CRTC2: variants seen among roughly 807,000 people sequenced by gnomAD.
The protein encoded by CRTC2 is CREB-regulated transcription coactivator 2.
CRTC2 carries 25 observed loss-of-function variants against 70.9 expected under a neutral mutation model. The observed-to-expected ratio is 0.35, with a 90% CI of 0.26 to 0.49. The LOEUF is 0.49. Among genes scored for constraint, CRTC2 ranks in the 20% least tolerant of loss-of-function variants. CRTC2 has a pLI of 0.98. For missense variants in CRTC2, 737 were observed against 882.6 expected (o/e 0.83, Z 2.09); for synonymous variants, 330 against 364.1 (o/e 0.91, Z 1.07).
chr1:153,950,338 G>C (rs1680256771), intron 11 of CRTC2, among the ~76,000 whole-genome samples: 1 of 152,182 alleles, frequency 6.6e-6, no homozygotes, highest in Non-Finnish European at 1.5e-5. Context: ...AAGAAAGAAA[G>C]AAAAGGAGAA....
At chr1:153,953,474 G>T in intron 5 of CRTC2, 64 bp downstream of exon 5, 1 of 1,543,844 alleles carries the variant, frequency 6.5e-7, no homozygotes, top group Non-Finnish European at 8.9e-7. Flanking sequence ...GGGTGGGGGT[G>T]AGGGAGCAGG....
In CRTC2 at chr1:153,948,171, G is replaced by C. The variant is rs1680114512; in HGVS notation, c.2020C>G (p.Pro674Ala). The change falls in exon 14 of 14, where the codon CCC (proline) becomes GCC (alanine). Residue 674 changes from proline to alanine, a missense_variant. Pro to Ala is a conservative substitution (Grantham distance 27, BLOSUM62 -1). This residue lies in a region of CRTC2 where 699 missense variants were observed against 823.7 expected (regional missense o/e 0.85). Transcript: ENST00000368633. The part of the protein sequence containing the change: ...GLEGLNMLSD[P>A]CALLPDPAVE... ...GCAGGATCAGGCAGCAGGGCACAGG[G>C]GTCACTCAGCATGTTTAGCCCTTCC... The C allele has an allele frequency of 4.3e-6, 7 of 1,614,196 alleles. No homozygotes were observed. The highest frequency in any genetic ancestry group is 4.2e-6 in the Non-Finnish European group (5 of 1,180,028).
Position 153,958,481 on chromosome 1 carries a change from G to A in CRTC2, c.17C>T (p.Ala6Val), listed in dbSNP as rs1245683148. Residue 6 changes from alanine (A) to valine (V), a missense_variant, in exon 1 of 14, where the codon GCG becomes GTG. Ala to Val is a moderately conservative substitution (Grantham distance 64). Transcript: ENST00000368633. MATSG[A>V]NGPGSATASA... is the part of the protein sequence containing the mutation. ...GGCCGTGGCCGAACCAGGCCCGTTC[G>A]CCCCCGACGTCGCCATCTTCCTTCC... 2.9e-5 allele frequency: 47 copies of A among 1,609,698 alleles called. No homozygotes were observed. The highest frequency in any genetic ancestry group is 3.7e-5 in the Non-Finnish European group (43 of 1,177,212).
intron 1 of CRTC2, among the ~76,000 whole-genome samples, chr1:153,955,681 CAA>C (rs757350237): frequency 3.2e-5 from 4 of 124,988 alleles, no homozygotes; most frequent in Non-Finnish European, 3.4e-5. Context: ...ATCCTGTCTC[CAA>C]AAAAAAAAAA....
chr1:153,957,586 T>C (rs1227981341), intron 1 of CRTC2, among the ~76,000 whole-genome samples: 3 of 151,938 alleles, frequency 2.0e-5, no homozygotes, highest in Non-Finnish European at 4.4e-5. Flanking sequence ...TCTCAACACA[T>C]AGAAGACCCT....
intron 11 of CRTC2, among the ~76,000 whole-genome samples, chr1:153,950,801 G>A (rs1176905901): frequency 6.6e-6 from 1 of 152,116 alleles, no homozygotes; most frequent in African/African-American, 2.4e-5. Context: ...GGGAGGAGAC[G>A]GGACAAGATA....
At chr1:153,953,500 G>C in intron 5 of CRTC2, 38 bp downstream of exon 5, 4 of 1,589,294 alleles carry the variant, frequency 2.5e-6, no homozygotes, top group Non-Finnish European at 2.6e-6. Flanking sequence ...AGAAACTACA[G>C]ATAAGAGATC....
intron 1 of CRTC2, among the ~76,000 whole-genome samples, chr1:153,956,387 A>G (rs967984697): frequency 2.0e-5 from 3 of 152,210 alleles, no homozygotes; most frequent in Admixed American, 6.5e-5. Context: ...CTGTGTACAG[A>G]CATCCTGTCT....
In CRTC2 at chr1:153,958,090, T is replaced by C. The variant is rs994511005; in HGVS notation, c.153+255A>G. On this transcript the variant is annotated intron_variant, in intron 1 of 13. Coordinates refer to ENST00000368633, the MANE Select transcript of CRTC2 (RefSeq NM_181715.3). ...TACCTCCGCCGGACTTCATCTCCCCTCTCCGCCCACTCCCACCTCACGTAC... is the reference window on the plus strand; with the variant it reads ...TACCTCCGCCGGACTTCATCTCCCCCCTCCGCCCACTCCCACCTCACGTAC... The C allele has an allele frequency of 2.2e-6, 3 of 1,371,290 alleles. No individual in the cohort carries two copies. The African/African-American group carries it at 4.5e-5, about 21-fold the overall frequency. 84.9% of individuals were successfully genotyped at this position (1,371,290 alleles called of 1,614,324 possible). A position where few individuals can be genotyped will look rare whatever the true frequency, so the allele number is the denominator to read the frequency against.
At chr1:153,956,560 C>T (rs1680624546) in intron 1 of CRTC2, among the ~76,000 whole-genome samples, 2 of 152,208 alleles carry the variant, frequency 1.3e-5, no homozygotes, top group Admixed American at 1.3e-4. Context: ...AACTGACATT[C>T]TGTTCCAGGA....
At position 153,948,220 on chromosome 1, in the gene CRTC2, C is replaced by G. The variant is rs1018215313; in HGVS notation, c.1971G>C (p.Glu657Asp). Reference protein sequence around the residue: ...GLELGLGLEDELRMEPLGLEG... With the variant: ...GLELGLGLEDDLRMEPLGLEG... ...CCAGGCCCAGTGGCTCCATGCGCAGCTCATCTTCTAGCCCAAGCCCTAGCT... is the reference window on the plus strand; with the variant it reads ...CCAGGCCCAGTGGCTCCATGCGCAGGTCATCTTCTAGCCCAAGCCCTAGCT... Residue 657 changes from glutamate to aspartate, a missense_variant, in exon 14 of 14, where the codon GAG (glutamate) becomes GAC (aspartate). Coordinates refer to ENST00000368633, the MANE Select transcript of CRTC2 (RefSeq NM_181715.3). 1 of 1,614,276 alleles carries G rather than the reference C, an allele frequency of 6.2e-7. No homozygotes were observed. Among genetic ancestry groups the G allele is most frequent in the African/African-American group, 1.3e-5 (1 of 75,074 alleles).
chr1:153,953,410 TTC>T, intron 5 of CRTC2, 41 bp from the exon 6 acceptor site: 1 of 1,543,836 alleles, frequency 6.5e-7, no homozygotes, highest in Non-Finnish European at 8.9e-7. Flanking sequence ...AGTGACAGTC[TTC>T]CTGGTCCCTA....
At chr1:153,957,488 T>C (rs1440554085) in intron 1 of CRTC2, among the ~76,000 whole-genome samples, 1 of 152,066 alleles carries the variant, frequency 6.6e-6, no homozygotes, top group South Asian at 2.1e-4. Flanking sequence ...CCTCCAGCCT[T>C]GGAAAGCAAG....
chr1:153,954,191 G>A, intron 4 of CRTC2, 64 bp downstream of exon 4: 1 of 1,280,484 alleles, frequency 7.8e-7, no homozygotes, highest in Non-Finnish European at 1.1e-6. Flanking sequence ...ACCCAGAAGG[G>A]GCAACTCCTT....
At position 153,948,234 on chromosome 1, in the gene CRTC2, C is replaced by G. The variant is rs1449090476; in HGVS notation, c.1957G>C (p.Gly653Arg). 5 of 1,614,252 alleles carry G rather than the reference C, an allele frequency of 3.1e-6. No homozygotes were observed. The South Asian group carries it at 5.5e-5, about 18-fold the overall frequency. ...VSAAGLELGL[G>R]LEDELRMEPL... ...TCCATGCGCAGCTCATCTTCTAGCCCAAGCCCTAGCTCCAATCCAGCTGCT... is the reference window on the plus strand; with the variant it reads ...TCCATGCGCAGCTCATCTTCTAGCCGAAGCCCTAGCTCCAATCCAGCTGCT... The change falls in exon 14 of 14, where the codon GGG becomes CGG. Residue 653 changes from glycine (G) to arginine (R), a missense_variant. This residue lies in a region of CRTC2 where 699 missense variants were observed against 823.7 expected (regional missense o/e 0.85). Coordinates refer to ENST00000368633, the MANE Select transcript of CRTC2 (RefSeq NM_181715.3).
chr1:153,953,637 A>G (rs1470734878), intron 4 of CRTC2, 31 bp from the exon 5 acceptor site: 1 of 1,554,844 alleles, frequency 6.4e-7, no homozygotes, highest in South Asian at 1.1e-5. Flanking sequence ...CATGAGGAGG[A>G]AGGCTGGCAG....
In CRTC2 at chr1:153,951,565, G is replaced by A; in HGVS notation, c.1099C>T (p.His367Tyr). Residue 367 changes from histidine (H) to tyrosine (Y), a missense_variant, in exon 11 of 14, where the codon CAC becomes TAC. Around this residue, in one of 3 missense-constraint regions of CRTC2, gnomAD observed 699 missense variants for 823.7 expected, o/e 0.85. Coordinates refer to ENST00000368633, the MANE Select transcript of CRTC2 (RefSeq NM_181715.3). Reference protein sequence around the residue: ...SSPQPQLQGSHSHPSLPASSL... With the variant: ...SSPQPQLQGSYSHPSLPASSL... ...GAGGCAGGCAGAGAGGGGTGGCTGTGGGAGCCCTGAAGCTGGGGCTGAGGA... is the reference window on the plus strand; with the variant it reads ...GAGGCAGGCAGAGAGGGGTGGCTGTAGGAGCCCTGAAGCTGGGGCTGAGGA... 2 of 1,611,878 alleles carry A rather than the reference G, an allele frequency of 1.2e-6. No individual in the cohort carries two copies. Among genetic ancestry groups the A allele is most frequent in the South Asian group, 2.2e-5 (2 of 90,880 alleles).
rs1254669860 is a variant in CRTC2 at position 153,949,182 on chromosome 1, G to A, written c.1607C>T (p.Pro536Leu). 1 of 1,613,916 alleles carries A rather than the reference G, an allele frequency of 6.2e-7. No individual in the cohort carries two copies. The highest frequency in any genetic ancestry group is 8.5e-7 in the Non-Finnish European group (1 of 1,179,966). ...GRQSHYGTPY[P>L]PGPSGHGQQS... ...TTGCCCATGCCCACTGGGCCCAGGTGGGTACGGTGTCCCATAATGAGACTG... is the reference window on the plus strand; with the variant it reads ...TTGCCCATGCCCACTGGGCCCAGGTAGGTACGGTGTCCCATAATGAGACTG... Residue 536 changes from proline to leucine, a missense_variant, in exon 12 of 14, where the codon CCA becomes CTA. Coordinates refer to ENST00000368633, the MANE Select transcript of CRTC2 (RefSeq NM_181715.3).
At chr1:153,955,223 A>C in intron 1 of CRTC2, 57 bp from the exon 2 acceptor site, 1 of 1,330,986 alleles carries the variant, frequency 7.5e-7, no homozygotes, top group Non-Finnish European at 1.1e-6. Flanking sequence ...TATTTCCTTC[A>C]GCCATCCTTG....
Sources: allele counts gnomAD v4.1 joint callset (sites outside exome capture counted in the v4.1 genomes callset), GRCh38; gene constraint gnomAD v4.1.1; regional missense constraint gnomAD v4.1.1; transcripts MANE v1.5; gene names NCBI Gene and HGNC (gene_info 2026-07-23, HGNC 2026-07-21).